The following NHSL1 variants were observed in gnomAD, a reference collection of about 807,000 sequenced individuals.
NHSL1 encodes NHS like 1.
A neutral mutation model predicts 95.0 loss-of-function variants in NHSL1; 48 were observed. The observed-to-expected ratio is 0.51, with a 90% CI of 0.40 to 0.64. The LOEUF is 0.64. Ranked by LOEUF, NHSL1 falls within the 30% of genes least tolerant of loss-of-function variation. NHSL1 has a pLI of 0.00. For missense variants in NHSL1, 1,971 were observed against 2,077.7 expected (o/e 0.95, Z 1.00); for synonymous variants, 783 against 833.9 (o/e 0.94, Z 1.05).
In NHSL1 at chr6:138,655,901, C is replaced by A. The variant is rs147829624; in HGVS notation, c.96+36575G>T. Among the ~76,000 whole-genome samples the A allele has an allele frequency of 5.4e-3, 827 of 152,264 alleles. 4 individuals carry two copies. The highest frequency in any genetic ancestry group is 8.7e-3 in the Non-Finnish European group (594 of 68,014). On this transcript the variant is annotated intron_variant, in intron 1 of 3. Coordinates refer to the NHSL1 transcript ENST00000491526. ...CGTGTGCCCTGATAAAAACACAAGA[C>A]CCCCACCAAGGCAGCTGGAAGTTGA...
At chr6:138,516,914 C>A (rs536411986) in intron 1 of NHSL1, among the ~76,000 whole-genome samples, 1 of 152,136 alleles carries the variant, frequency 6.6e-6, no homozygotes, top group African/African-American at 2.4e-5. Flanking sequence ...GGATTACAGG[C>A]GCGAGCCACT....
chr6:138,441,921 G>A (rs1173384262), intron 5 of NHSL1, 62 bp downstream of exon 5: 20 of 1,453,368 alleles, frequency 1.4e-5, no homozygotes, highest in Non-Finnish European at 1.7e-5. Context: ...CATGAATGAG[G>A]TTAGCGCAGT....
At chr6:138,590,278 G>A (rs998343358) in intron 1 of NHSL1, among the ~76,000 whole-genome samples, 2 of 152,294 alleles carry the variant, frequency 1.3e-5, no homozygotes, top group African/African-American at 2.4e-5. Flanking sequence ...GATTCCAGGC[G>A]TAAGCCACTG....
intron 1 of NHSL1, among the ~76,000 whole-genome samples, chr6:138,550,787 T>C (rs1782973841): frequency 1.3e-5 from 2 of 152,152 alleles, no homozygotes; most frequent in South Asian, 2.1e-4. Context: ...AAAATTTGAC[T>C]TCATTCCTGG....
Position 138,427,969 on chromosome 6 carries a change from A to C in NHSL1, c.4085+1742T>G, listed in dbSNP as rs538341113. Among the ~76,000 whole-genome samples the C allele has an allele frequency of 2.0e-5, 3 of 152,354 alleles. No homozygotes were observed. The South Asian group carries it at 6.2e-4, about 32-fold the overall frequency. On this transcript the variant is annotated intron_variant, in intron 7 of 7. Transcript: ENST00000343505. ...TTTGACTTCTCTCATACGTGCACTG[A>C]GTAACACCAACTGACCGATTTCTAC...
Position 138,423,540 on chromosome 6 carries a change from C to G in NHSL1, c.*541G>C, listed in dbSNP as rs1473246178. The G allele has an allele frequency of 6.6e-6, 1 of 152,260 alleles. No homozygotes were observed. Among genetic ancestry groups the G allele is most frequent in the African/African-American group, 2.4e-5 (1 of 41,438 alleles). The allele number at this position is 152,260 out of a possible 1,614,324, so 9.4% of individuals were successfully genotyped here. ...AGACCTGCCTCACCTCAGCAGCACA[C>G]GTGTGCATATATCTGTGTGTTCTGT... is the stretch of plus-strand genomic sequence containing the variant. On this transcript the variant is annotated 3_prime_UTR_variant, in exon 8 of 8. Coordinates refer to ENST00000343505, the MANE Select transcript of NHSL1 (RefSeq NM_001144060.2).
intron 1 of NHSL1, among the ~76,000 whole-genome samples, chr6:138,677,509 GAACA>G (rs1379202345): frequency 2.0e-5 from 3 of 152,148 alleles, no homozygotes; most frequent in African/African-American, 7.2e-5. Context: ...TACCTCAAAA[GAACA>G]AACGGGTGCT....
At chr6:138,639,141 T>C (rs956147751) in intron 1 of NHSL1, among the ~76,000 whole-genome samples, 1 of 152,210 alleles carries the variant, frequency 6.6e-6, no homozygotes, top group African/African-American at 2.4e-5. Context: ...GAATGTATTA[T>C]TTTTTTAAGA....
intron 1 of NHSL1, among the ~76,000 whole-genome samples, chr6:138,519,865 A>G (rs1781603325): frequency 6.6e-6 from 1 of 152,216 alleles, no homozygotes; most frequent in Non-Finnish European, 1.5e-5. Flanking sequence ...TTGTTTTAAA[A>G]ATACATATTT....
chr6:138,430,412 T>G lies in NHSL1; in HGVS notation c.3933A>C (p.Leu1311=). ...ACTCACCTGCTCCGTCCTGTTGAGA[T>G]AGGCAGCTCTCCCCATCGCCCCCAG... ...ADTGGDGESC[L]SQQDGAAGVP... The change falls in exon 6 of 8, where the codon CTA becomes CTC. Residue 1311 remains leucine, a synonymous_variant. Coordinates refer to ENST00000343505, the MANE Select transcript of NHSL1 (RefSeq NM_001144060.2). The surrounding 1 kb of genome is among the most constrained non-coding windows in gnomAD (Gnocchi z 4.7). 1 of 1,488,856 alleles carries G rather than the reference T, an allele frequency of 6.7e-7. No homozygotes were observed. Among genetic ancestry groups the G allele is most frequent in the Non-Finnish European group, 9.0e-7 (1 of 1,113,258 alleles). The allele number at this position is 1,488,856 out of a possible 1,614,324, so 92.2% of individuals were successfully genotyped here.
intron 3 of NHSL1, among the ~76,000 whole-genome samples, chr6:138,466,051 G>A (rs1021590586): frequency 1.5e-5 from 2 of 135,824 alleles, no homozygotes; most frequent in Non-Finnish European, 3.1e-5. Context: ...TGGGGGGGGG[G>A]CAGGGGGGAA....
intron 3 of NHSL1, among the ~76,000 whole-genome samples, chr6:138,472,247 T>G (rs1313717701): frequency 6.6e-6 from 1 of 151,858 alleles, no homozygotes; most frequent in African/African-American, 2.4e-5. Context: ...GATCAAAAAT[T>G]TAAGGTAGTA....
At chr6:138,544,239 C>T (rs1172485717) in intron 1 of NHSL1, among the ~76,000 whole-genome samples, 3 of 152,140 alleles carry the variant, frequency 2.0e-5, no homozygotes, top group Non-Finnish European at 4.4e-5. Context: ...CATACCTAAA[C>T]ATTTTGTAGA....
chr6:138,542,034 G>T (rs568774888), intron 1 of NHSL1, among the ~76,000 whole-genome samples: 2 of 152,326 alleles, frequency 1.3e-5, no homozygotes, highest in South Asian at 4.1e-4. Context: ...ACCTTATTTG[G>T]AAATATGGTC....
intron 1 of NHSL1, among the ~76,000 whole-genome samples, chr6:138,659,856 A>G (rs1235603031): frequency 6.6e-6 from 1 of 151,970 alleles, no homozygotes; most frequent in Admixed American, 6.6e-5. Flanking sequence ...TTGGGATTAC[A>G]GGCATGCACC....
In NHSL1 at chr6:138,424,510, C is replaced by G. The variant is rs577153910; in HGVS notation, c.4392G>C (p.Pro1464=). ...TGTTCTTGCTTGGGGAGCAGCTTGA[C>G]GGGCTCTCGGGGGCATCTGGGGAAG... is the stretch of plus-strand genomic sequence containing the variant. ...SEPSPDAPES[P]SSCSPSKNRR... is the part of the protein sequence containing the mutation. The change falls in exon 8 of 8, where the codon CCG becomes CCC. Residue 1464 remains proline (P), a synonymous_variant. Coordinates refer to ENST00000343505, the MANE Select transcript of NHSL1 (RefSeq NM_001144060.2). The surrounding 1 kb of genome is among the most constrained non-coding windows in gnomAD (Gnocchi z 5.9). The G allele has an allele frequency of 2.6e-6, 4 of 1,551,564 alleles. No homozygotes were observed. Among genetic ancestry groups the G allele is most frequent in the African/African-American group, 1.4e-5 (1 of 73,040 alleles).
Position 138,482,625 on chromosome 6 carries a change from T to G in NHSL1, c.212-9192A>C, listed in dbSNP as rs142304159. 3.0e-3 allele frequency among the ~76,000 whole-genome samples: 450 copies of G among 152,196 alleles called. 20 individuals carry two copies. The East Asian group carries it at 0.073, about 25-fold the overall frequency. On this transcript the variant is annotated intron_variant, in intron 2 of 7. Transcript: ENST00000343505. Reference sequence around the variant, plus strand: ...TTTCTAAACCTCTGAATACTCTTCTTCCAGACAGTCAAGGCAGAGCTAGCT... The same window carrying G: ...TTTCTAAACCTCTGAATACTCTTCTGCCAGACAGTCAAGGCAGAGCTAGCT...
intron 3 of NHSL1, among the ~76,000 whole-genome samples, chr6:138,452,119 C>G (rs1448082184): frequency 6.6e-6 from 1 of 152,162 alleles, no homozygotes; most frequent in South Asian, 2.1e-4. Flanking sequence ...ATAATGTTCA[C>G]CAATACCCCA....
In NHSL1 at chr6:138,423,604, G is replaced by A. The variant is rs1562247228; in HGVS notation, c.*477C>T. 6.6e-6 allele frequency: 1 copy of A among 152,590 alleles called. No homozygotes were observed. Among genetic ancestry groups the A allele is most frequent in the East Asian group, 1.9e-4 (1 of 5,190 alleles). The allele number at this position is 152,590 out of a possible 1,614,324, so 9.5% of individuals were successfully genotyped here. On this transcript the variant is annotated 3_prime_UTR_variant, in exon 8 of 8. Coordinates refer to ENST00000343505, the MANE Select transcript of NHSL1 (RefSeq NM_001144060.2). Reference sequence around the variant, plus strand: ...GCAACTCTACTGCCTCTTTCTTGAAGTAACATCTTCTCCTTTCTTACAAAA... The same window carrying A: ...GCAACTCTACTGCCTCTTTCTTGAAATAACATCTTCTCCTTTCTTACAAAA...
Sources: allele counts gnomAD v4.1 joint callset (sites outside exome capture counted in the v4.1 genomes callset), GRCh38; gene constraint gnomAD v4.1.1; non-coding constraint Gnocchi (gnomAD v3.1); transcripts MANE v1.5; gene names NCBI Gene and HGNC (gene_info 2026-07-23, HGNC 2026-07-21).